Variants in SUPT16H observed in about 807,000 individuals in gnomAD.
The protein encoded by SUPT16H is FACT complex subunit SPT16.
A neutral mutation model predicts 136.2 loss-of-function variants in SUPT16H; 24 were observed. The observed-to-expected ratio is 0.18, with a 90% CI of 0.13 to 0.25. The LOEUF (loss-of-function observed/expected upper bound fraction) is 0.25, where lower values mean the gene tolerates loss of function less well. Ranked by LOEUF, SUPT16H falls within the 10% of genes least tolerant of loss-of-function variation. The pLI is 1.00. For missense variants in SUPT16H, 623 were observed against 1,270.2 expected, an observed-to-expected ratio of 0.49 and a Z score of 7.74; for synonymous variants, 415 against 428.2, an observed-to-expected ratio of 0.97 and a Z score of 0.38.
rs1886347953 is a variant in SUPT16H at position 21,352,838 on chromosome 14, TTAGTTAGCAA to T, written c.2999-30_2999-21del. 2 of 1,614,096 alleles carry T rather than the reference TTAGTTAGCAA, an allele frequency of 1.2e-6. No homozygotes were observed. The highest frequency in any genetic ancestry group is 1.1e-5 in the South Asian group (1 of 91,082). ...GGTCCGCTAAATAGAAGAGGCATTA[TTAGTTAGCAA>T]TAGGTAAGCTTTAGGTACCTAATAT... On this transcript the variant is annotated intron_variant, in intron 25 of 25. Coordinates refer to ENST00000216297, the MANE Select transcript of SUPT16H (RefSeq NM_007192.4).
intron 14 of SUPT16H, 107 bp from the exon 15 acceptor site, chr14:21,362,431 C>A: frequency 9.4e-7 from 1 of 1,066,690 alleles, no homozygotes; most frequent in Non-Finnish European, 1.3e-6. Context: ...CGCTCTTAAC[C>A]TTAATCTAAA....
chr14:21,355,402 A>AAGGTTGCCT (rs1886406809), intron 22 of SUPT16H, among the ~76,000 whole-genome samples: 25 of 151,552 alleles, frequency 1.6e-4, no homozygotes, highest in African/African-American at 5.8e-4. Flanking sequence ...CTGAAGCAGG[A>AAGGTTGCCT]GAATCGCTTG....
At chr14:21,371,156 G>A (rs1886777143) in intron 3 of SUPT16H, among the ~76,000 whole-genome samples, 1 of 151,628 alleles carries the variant, frequency 6.6e-6, no homozygotes, top group Non-Finnish European at 1.5e-5. Flanking sequence ...ACAGCCATGA[G>A]CCACCATGCC....
At chr14:21,375,914 G>C (rs1886892096) in intron 1 of SUPT16H, among the ~76,000 whole-genome samples, 1 of 152,152 alleles carries the variant, frequency 6.6e-6, no homozygotes, top group Non-Finnish European at 1.5e-5. Context: ...TTGTGCTTTT[G>C]GTGTCATATC....
chr14:21,357,861 A>G, intron 21 of SUPT16H, 66 bp downstream of exon 21: 5 of 1,437,598 alleles, frequency 3.5e-6, no homozygotes, highest in Non-Finnish European at 4.9e-6. Context: ...ATTAGGATAA[A>G]AAACACCTAT....
chr14:21,352,594 A>C lies in SUPT16H; in HGVS notation c.*79T>G. 6.3e-7 allele frequency: 1 copy of C among 1,595,664 alleles called. No individual in the cohort carries two copies. On this transcript the variant is annotated 3_prime_UTR_variant, in exon 26 of 26. Coordinates refer to ENST00000216297, the MANE Select transcript of SUPT16H (RefSeq NM_007192.4). ...AAAACTTCAAATGAAAACGAAAGGA[A>C]AAATACAGTTTCTATGTCATGTAAA...
At chr14:21,360,787 T>C in intron 17 of SUPT16H, 59 bp downstream of exon 17, 1 of 1,569,882 alleles carries the variant, frequency 6.4e-7, no homozygotes, top group Admixed American at 2.0e-5. Context: ...ATCTGATCTG[T>C]CATTCCTAAC....
rs1044822733 is a variant in SUPT16H, at chr14:21,383,468, G to C, written c.66+394C>G. 34 of 563,388 alleles carry C rather than the reference G, an allele frequency of 6.0e-5. No homozygotes were observed. The East Asian group carries it at 1.0e-3, about 17-fold the overall frequency. The allele number at this position is 563,388 out of a possible 1,614,324, so 34.9% of individuals were successfully genotyped here. On this transcript the variant is annotated intron_variant, in intron 1 of 25. Transcript: ENST00000216297. ...CTTTACGAAGACGGTTATAATCCTG[G>C]CGGGACCAGGGGTGGAATATTGTGG...
chr14:21,373,288 G>A (rs1254473445), intron 2 of SUPT16H, 50 bp downstream of exon 2: 10 of 1,380,580 alleles, frequency 7.2e-6, no homozygotes, highest in South Asian at 2.3e-5. Context: ...GAACAGTGCA[G>A]TAGATAATCC....
chr14:21,356,471 C>T (rs2139396616), intron 22 of SUPT16H, among the ~76,000 whole-genome samples: 1 of 152,268 alleles, frequency 6.6e-6, no homozygotes, highest in East Asian at 1.9e-4. Context: ...TTGAGTGAAA[C>T]TTTTAAAGGC....
intron 22 of SUPT16H, among the ~76,000 whole-genome samples, chr14:21,355,295 C>G (rs1886403376): frequency 6.6e-6 from 1 of 151,988 alleles, no homozygotes; most frequent in Non-Finnish European, 1.5e-5. Context: ...GAGATCGAGA[C>G]CATCTTGGCT....
rs376733119 is a variant in SUPT16H, at chr14:21,364,823, A to G, written c.1233+4T>C. On this transcript the variant is annotated splice_donor_region_variant and intron_variant, in intron 10 of 25. Coordinates refer to ENST00000216297, the MANE Select transcript of SUPT16H (RefSeq NM_007192.4). Reference sequence around the variant, plus strand: ...AGACTCCAAAGTTTAGACACAATACACACCTCATCCACAAGCACTGTGTCA... The same window carrying G: ...AGACTCCAAAGTTTAGACACAATACGCACCTCATCCACAAGCACTGTGTCA... 11 of 1,611,140 alleles carry G rather than the reference A, an allele frequency of 6.8e-6. No homozygotes were observed. In the African/African-American group the frequency reaches 1.5e-4, roughly 22 times the overall value.
intron 1 of SUPT16H, among the ~76,000 whole-genome samples, chr14:21,374,660 C>T (rs1304975615): frequency 1.3e-5 from 2 of 152,222 alleles, no homozygotes; most frequent in African/African-American, 4.8e-5. Context: ...ATCAACACTT[C>T]ATTCCCTTTT....
At chr14:21,372,809 T>C in intron 2 of SUPT16H, 2 of 361,842 alleles carry the variant, frequency 5.5e-6, no homozygotes, top group Non-Finnish European at 1.1e-5. Flanking sequence ...TTAATACTTC[T>C]TTTTCCTTAT....
intron 14 of SUPT16H, 139 bp from the exon 15 acceptor site, chr14:21,362,463 A>G: frequency 2.2e-6 from 2 of 896,016 alleles, no homozygotes; most frequent in East Asian, 5.8e-5. Flanking sequence ...TACATAATTT[A>G]TCTTTTTAAT....
intron 1 of SUPT16H, among the ~76,000 whole-genome samples, chr14:21,376,203 C>T (rs376089904): frequency 2.0e-5 from 3 of 152,096 alleles, no homozygotes; most frequent in East Asian, 1.9e-4. Context: ...TGAATTTTCA[C>T]GTTTATTCCA....
intron 1 of SUPT16H, among the ~76,000 whole-genome samples, chr14:21,375,785 G>A (rs1886888058): frequency 6.6e-6 from 1 of 152,084 alleles, no homozygotes; most frequent in African/African-American, 2.4e-5. Context: ...CAGAGACTAG[G>A]TTTTGCCATG....
chr14:21,358,795 G>C (rs961283208), intron 19 of SUPT16H, among the ~76,000 whole-genome samples: 8 of 151,846 alleles, frequency 5.3e-5, no homozygotes, highest in Non-Finnish European at 1.2e-4. Flanking sequence ...AACAGATTCA[G>C]GGTTGTTTAT....
chr14:21,363,521 A>C lies in SUPT16H; in HGVS notation c.1234-18T>G. 6.2e-7 allele frequency: 1 copy of C among 1,606,246 alleles called. No individual in the cohort carries two copies. Among genetic ancestry groups the C allele is most frequent in the Non-Finnish European group, 8.5e-7 (1 of 1,176,932 alleles). ...GGGCCATCCTAGAATTAAAAGGAGA[A>C]TGAAGACACATTATTTAAAAGAGGC... On this transcript the variant is annotated intron_variant, in intron 10 of 25. Transcript: ENST00000216297.
Sources: allele counts gnomAD v4.1 joint callset (sites outside exome capture counted in the v4.1 genomes callset), GRCh38; gene constraint gnomAD v4.1.1; transcripts MANE v1.5; gene names NCBI Gene and HGNC (gene_info 2026-07-23, HGNC 2026-07-21).